ATP13A1: variants seen among roughly 807,000 people sequenced by gnomAD.
The protein encoded by ATP13A1 is ATPase 13A1.
Under a neutral mutation model 134.8 loss-of-function variants are expected in ATP13A1, and 55 were observed. The ratio of observed to expected loss-of-function variants is 0.41; its 90% CI spans 0.33 to 0.51. The LOEUF is 0.51. Among genes scored for constraint, ATP13A1 ranks in the 20% least tolerant of loss-of-function variants. The pLI is 0.29. For synonymous variants in ATP13A1, 775 were observed against 725.1 expected (o/e 1.07, Z -1.10); for missense variants, 1,389 against 1,652.8 (o/e 0.84, Z 2.77).
At chr19:19,649,465 G>T in intron 19 of ATP13A1, 102 bp downstream of exon 19, 1 of 1,207,788 alleles carries the variant, frequency 8.3e-7, no homozygotes. Context: ...AGGAATTAGT[G>T]CCCCCGTGGC....
chr19:19,647,784 C>A lies in ATP13A1; in HGVS notation c.2633-25G>T. 1 of 1,571,128 alleles carries A rather than the reference C, an allele frequency of 6.4e-7. No individual in the cohort carries two copies. Among genetic ancestry groups the A allele is most frequent in the South Asian group, 1.1e-5 (1 of 87,456 alleles). ...CCTGGGGGGCAGGAGGGTGTCAGAC[C>A]CGGAGGAGCAGGCTCCACGGAGGGG... On this transcript the variant is annotated intron_variant, in intron 19 of 25. Coordinates refer to ENST00000357324, the MANE Select transcript of ATP13A1 (RefSeq NM_020410.3). This position sits in a 1 kb window ranked among gnomAD's most constrained non-coding sequence, Gnocchi z 4.8.
chr19:19,653,800 T>G lies in ATP13A1; in HGVS notation c.2084A>C (p.His695Pro). The G allele has an allele frequency of 6.4e-7, 1 of 1,552,342 alleles. No individual in the cohort carries two copies. The highest frequency in any genetic ancestry group is 8.7e-7 in the Non-Finnish European group (1 of 1,147,756). The change falls in exon 15 of 26, where the codon CAC (histidine) becomes CCC (proline). Residue 695 changes from histidine (H) to proline (P), a missense_variant. Coordinates refer to ENST00000357324, the MANE Select transcript of ATP13A1 (RefSeq NM_020410.3). The surrounding 1 kb of genome is among the most constrained non-coding windows in gnomAD (Gnocchi z 4.2). ...VLALGYKELG[H>P]LTHQQAREVK... ...GGCCCGTACCTGCTGGTGAGTGAGG[T>G]GTCCCAGCTCCTTGTACCCCAGCGC...
rs1568429087 is a variant in ATP13A1 at position 19,656,553 on chromosome 19, G to A, written c.1083+107C>T. On this transcript the variant is annotated intron_variant, in intron 7 of 25. Coordinates refer to ENST00000357324, the MANE Select transcript of ATP13A1 (RefSeq NM_020410.3). The surrounding 1 kb of genome is among the most constrained non-coding windows in gnomAD (Gnocchi z 4.6). ...CACAGAGCTCATCTGTGCCCACACT[G>A]CCTCCTCCGCCTGTGCCTGAGGGGG... 8.3e-7 allele frequency: 1 copy of A among 1,204,176 alleles called. No individual in the cohort carries two copies. Among genetic ancestry groups the A allele is most frequent in the East Asian group, 2.5e-5 (1 of 39,282 alleles). The allele number at this position is 1,204,176 out of a possible 1,614,324, so 74.6% of individuals were successfully genotyped here. A position where few individuals can be genotyped will look rare whatever the true frequency, so the allele number is the denominator to read the frequency against.
At position 19,656,250 on chromosome 19, in the gene ATP13A1, G is replaced by A. The variant is rs2062057127; in HGVS notation, c.1084-67C>T. ...TGCTTCCTTCTCCATCTGAGTTCCT[G>A]GACAGCTGGACCTTGAGGCTGGAAT... On this transcript the variant is annotated intron_variant, in intron 7 of 25. Coordinates refer to ENST00000357324, the MANE Select transcript of ATP13A1 (RefSeq NM_020410.3). This position sits in a 1 kb window ranked among gnomAD's most constrained non-coding sequence, Gnocchi z 4.6. 6.5e-7 allele frequency: 1 copy of A among 1,537,238 alleles called. No individual in the cohort carries two copies. Among genetic ancestry groups the A allele is most frequent in the South Asian group, 1.3e-5 (1 of 79,232 alleles).
Position 19,656,698 on chromosome 19 carries a change from C to T in ATP13A1, c.1045G>A (p.Glu349Lys). ...LLLRGRCIVD[E>K]AMLTGESVPQ... ...ACGGACTCCCCCGTGAGCATGGCCT[C>T]GTCTACGATGCAGCGGCCTCGCAGC... Residue 349 changes from glutamate (E) to lysine (K), a missense_variant, in exon 7 of 26, where the codon GAG (glutamate) becomes AAG (lysine). Physicochemically the swap from Glu to Lys is moderately conservative, Grantham distance 56. This residue lies in a region of ATP13A1 where 747 missense variants were observed against 956.1 expected (regional missense o/e 0.78). Coordinates refer to ENST00000357324, the MANE Select transcript of ATP13A1 (RefSeq NM_020410.3). This position sits in a 1 kb window ranked among gnomAD's most constrained non-coding sequence, Gnocchi z 4.6. 6.2e-7 allele frequency: 1 copy of T among 1,613,816 alleles called. No homozygotes were observed. Among genetic ancestry groups the T allele is most frequent in the East Asian group, 2.2e-5 (1 of 44,882 alleles).
At chr19:19,661,950 A>G (rs752830696) in intron 1 of ATP13A1, 44 of 1,338,150 alleles carry the variant, frequency 3.3e-5, no homozygotes, top group Non-Finnish European at 4.2e-5. Context: ...TGCAGATATC[A>G]TCTCCGCTTC....
intron 19 of ATP13A1, among the ~76,000 whole-genome samples, chr19:19,648,266 A>G (rs1430855668): frequency 6.6e-6 from 1 of 151,538 alleles, no homozygotes; most frequent in East Asian, 2.0e-4. Flanking sequence ...TTGCAGTGAG[A>G]TGAGATCACA....
rs186828435 is a variant in ATP13A1 at position 19,655,874 on chromosome 19, G to A, written c.1269+4C>T. 4.0e-5 allele frequency: 63 copies of A among 1,580,754 alleles called. No individual in the cohort carries two copies. The East Asian group carries it at 1.1e-3, about 28-fold the overall frequency. ...GCCCGCCCTCCCCAGACCTGGCCCC[G>A]CACCTGGGATGTGTTGAATCCGGTC... On this transcript the variant is annotated splice_donor_region_variant and intron_variant, in intron 9 of 25. Coordinates refer to ENST00000357324, the MANE Select transcript of ATP13A1 (RefSeq NM_020410.3). This position sits in a 1 kb window ranked among gnomAD's most constrained non-coding sequence, Gnocchi z 5.7.
rs1040791021 is a variant in ATP13A1, at chr19:19,647,544, C to G, written c.2794-16G>C. 1 of 1,612,140 alleles carries G rather than the reference C, an allele frequency of 6.2e-7. No individual in the cohort carries two copies. The highest frequency in any genetic ancestry group is 8.5e-7 in the Non-Finnish European group (1 of 1,178,968). The stretch of plus-strand genomic sequence containing the variant: ...TCAGGCGGTCCTGCAGGGTAGACAG[C>G]AGGCTGTCAGCCCTGGCCAGGATGG... On this transcript the variant is annotated splice_polypyrimidine_tract_variant and intron_variant, in intron 20 of 25. Transcript: ENST00000357324. This position sits in a 1 kb window ranked among gnomAD's most constrained non-coding sequence, Gnocchi z 4.8.
chr19:19,655,386 G>A lies in ATP13A1; in HGVS notation c.1464C>T (p.Val488=), dbSNP rs369180325. Residue 488 remains valine (V), a synonymous_variant, in exon 11 of 26, where the codon GTC becomes GTT. Coordinates refer to ENST00000357324, the MANE Select transcript of ATP13A1 (RefSeq NM_020410.3). The surrounding 1 kb of genome is among the most constrained non-coding windows in gnomAD (Gnocchi z 5.7). ...GCTCGATGGGCAGCTCAGGAGGCAC[G>A]ACCGAGGTGAGGATCAGGGTGCACT... ...FLECTLILTS[V]VPPELPIELS... 48 of 1,613,954 alleles carry A rather than the reference G, an allele frequency of 3.0e-5. No homozygotes were observed. The highest frequency in any genetic ancestry group is 4.5e-5 in the East Asian group (2 of 44,882).
intron 3 of ATP13A1, among the ~76,000 whole-genome samples, chr19:19,658,044 G>A (rs2062070627): frequency 1.3e-5 from 2 of 151,214 alleles, no homozygotes; most frequent in South Asian, 4.2e-4. Context: ...AGCTATTTGG[G>A]AGGCTGAGGC....
chr19:19,659,563 A>G, intron 3 of ATP13A1, 38 bp downstream of exon 3: 1 of 1,583,866 alleles, frequency 6.3e-7, no homozygotes, highest in Non-Finnish European at 8.6e-7. Flanking sequence ...GGAGCAGGAC[A>G]GAAAGGCAAA....
At chr19:19,646,760 G>A (rs551334590) in intron 22 of ATP13A1, 7 of 377,914 alleles carry the variant, frequency 1.9e-5, no homozygotes, top group African/African-American at 6.1e-5. Context: ...GGTTCTTTAC[G>A]CCTTGGCCTG....
At chr19:19,661,684 C>T (rs927263411) in intron 1 of ATP13A1, among the ~76,000 whole-genome samples, 5 of 152,204 alleles carry the variant, frequency 3.3e-5, no homozygotes, top group South Asian at 2.1e-4. Context: ...GAATGGAACT[C>T]GTTCAGTGCT....
chr19:19,661,959 T>C (rs1568431369), intron 1 of ATP13A1: 5 of 1,417,932 alleles, frequency 3.5e-6, no homozygotes, highest in Non-Finnish European at 4.8e-6. Context: ...CATCTCCGCT[T>C]CTCAAGATGG....
In ATP13A1 at chr19:19,645,366, T is replaced by C; in HGVS notation, c.*56A>G. On this transcript the variant is annotated 3_prime_UTR_variant, in exon 26 of 26. Coordinates refer to ENST00000357324, the MANE Select transcript of ATP13A1 (RefSeq NM_020410.3). This position sits in a 1 kb window ranked among gnomAD's most constrained non-coding sequence, Gnocchi z 4.1. ...GGCAGGGTTCCCTCCCGGGGCCCTG[T>C]TGGGGTTCCCGCCCAGCGGCAGCCA... The C allele has an allele frequency of 6.5e-7, 1 of 1,535,752 alleles. No individual in the cohort carries two copies. Among genetic ancestry groups the C allele is most frequent in the Non-Finnish European group, 8.8e-7 (1 of 1,133,784 alleles).
In ATP13A1 at chr19:19,659,883, G is replaced by A; in HGVS notation, c.486+15C>T. 1 of 1,588,074 alleles carries A rather than the reference G, an allele frequency of 6.3e-7. No individual in the cohort carries two copies. The highest frequency in any genetic ancestry group is 8.6e-7 in the Non-Finnish European group (1 of 1,166,810). On this transcript the variant is annotated intron_variant, in intron 2 of 25. Transcript: ENST00000357324. ...CTCAAGCCCCTCCTCCAGGAGCCCAGCAGGCAGTCCCTACCTCATTGCGGT... is the reference window on the plus strand; with the variant it reads ...CTCAAGCCCCTCCTCCAGGAGCCCAACAGGCAGTCCCTACCTCATTGCGGT...
In ATP13A1 at chr19:19,656,634, G is replaced by A. The variant is rs1465060784; in HGVS notation, c.1083+26C>T. The A allele has an allele frequency of 2.0e-5, 32 of 1,606,114 alleles. No homozygotes were observed. Among genetic ancestry groups the A allele is most frequent in the Non-Finnish European group, 2.5e-5 (29 of 1,176,032 alleles). ...TGGCCTGTTTCCTCCTGAACAGCTTGAGGATCCCCATCCTCCACCAAGTAC... is the reference window on the plus strand; with the variant it reads ...TGGCCTGTTTCCTCCTGAACAGCTTAAGGATCCCCATCCTCCACCAAGTAC... On this transcript the variant is annotated intron_variant, in intron 7 of 25. Transcript: ENST00000357324. The surrounding 1 kb of genome is among the most constrained non-coding windows in gnomAD (Gnocchi z 4.6).
At chr19:19,662,855 T>C (rs1467875072) in intron 1 of ATP13A1, among the ~76,000 whole-genome samples, 3 of 152,154 alleles carry the variant, frequency 2.0e-5, no homozygotes, top group Admixed American at 1.3e-4. Flanking sequence ...CCTATCCCAG[T>C]GATCTCGCCT....
Sources: allele counts gnomAD v4.1 joint callset (sites outside exome capture counted in the v4.1 genomes callset), GRCh38; gene constraint gnomAD v4.1.1; regional missense constraint gnomAD v4.1.1; non-coding constraint Gnocchi (gnomAD v3.1); transcripts MANE v1.5; gene names NCBI Gene and HGNC (gene_info 2026-07-23, HGNC 2026-07-21).